ANKS1B: variants seen among roughly 807,000 people sequenced by gnomAD.
ANKS1B encodes ankyrin repeat and sterile alpha motif domain containing 1B.
ANKS1B carries 36 observed loss-of-function variants against 148.3 expected under a neutral mutation model. The ratio of observed to expected loss-of-function variants is 0.24; its 90% CI spans 0.19 to 0.32. ANKS1B has a LOEUF of 0.32. ANKS1B is among the 10% of genes least tolerant of loss of function. ANKS1B has a pLI of 1.00. For synonymous variants in ANKS1B, 542 were observed against 560.8 expected (o/e 0.97, Z 0.47); for missense variants, 1,157 against 1,542.6 (o/e 0.75, Z 4.19).
intron 12 of ANKS1B, among the ~76,000 whole-genome samples, chr12:99,316,542 T>TG (rs539476865): frequency 1.5e-3 from 236 of 152,352 alleles, no homozygotes; most frequent in African/African-American, 5.4e-3. Context: ...TGTAAATTTT[T>TG]AAGTTCTTTG....
At chr12:99,033,218 T>C (rs1477288396) in intron 17 of ANKS1B, among the ~76,000 whole-genome samples, 2 of 152,220 alleles carry the variant, frequency 1.3e-5, no homozygotes, top group South Asian at 2.1e-4. Flanking sequence ...GTTATTCTTA[T>C]GTATAGTGAG....
At chr12:99,754,490 C>T (rs2061388953) in intron 8 of ANKS1B, among the ~76,000 whole-genome samples, 1 of 152,138 alleles carries the variant, frequency 6.6e-6, no homozygotes, top group South Asian at 2.1e-4. Context: ...CTGAACTCAG[C>T]AATGGATCAC....
chr12:99,062,591 G>A (rs968883336), intron 16 of ANKS1B, among the ~76,000 whole-genome samples: 2 of 151,194 alleles, frequency 1.3e-5, no homozygotes, highest in Non-Finnish European at 2.9e-5. Context: ...AAGGAGAAGG[G>A]TTTGTGGGAT....
chr12:98,827,646 G>A (rs111938102), intron 19 of ANKS1B, among the ~76,000 whole-genome samples: 14 of 152,110 alleles, frequency 9.2e-5, no homozygotes, highest in African/African-American at 2.9e-4. Context: ...TAGGTAGAAG[G>A]GTAAGTCGTT....
At chr12:98,932,978 T>G (rs621284) in intron 17 of ANKS1B, among the ~76,000 whole-genome samples, 121,341 of 152,092 alleles carry the variant, frequency 0.8, 48,866 homozygotes, top group East Asian at 1. Context: ...TTCTATTGTG[T>G]TAATAGCACT....
At chr12:98,895,615 A>C (rs578071540) in intron 17 of ANKS1B, among the ~76,000 whole-genome samples, 1 of 152,116 alleles carries the variant, frequency 6.6e-6, no homozygotes, top group Admixed American at 6.5e-5. Context: ...CTCCTGTGGG[A>C]CTTGCGTTCC....
chr12:99,005,576 A>G (rs1240391561), intron 17 of ANKS1B, among the ~76,000 whole-genome samples: 3 of 152,098 alleles, frequency 2.0e-5, no homozygotes, highest in Non-Finnish European at 4.4e-5. Context: ...TTCTTCCTCT[A>G]TCCTCTTTTT....
intron 17 of ANKS1B, among the ~76,000 whole-genome samples, chr12:98,934,560 T>C (rs1018431686): frequency 5.3e-5 from 8 of 152,168 alleles, no homozygotes; most frequent in Admixed American, 5.2e-4. Context: ...CTTTGAGAAG[T>C]ATGAACATTT....
intron 17 of ANKS1B, among the ~76,000 whole-genome samples, chr12:98,863,813 T>C (rs764916191): frequency 1.3e-5 from 2 of 152,218 alleles, no homozygotes; most frequent in Non-Finnish European, 2.9e-5. Context: ...AGTCCACATA[T>C]ATTAATACAT....
chr12:99,220,377 A>C (rs2084908399), intron 14 of ANKS1B, among the ~76,000 whole-genome samples: 1 of 152,144 alleles, frequency 6.6e-6, no homozygotes, highest in South Asian at 2.1e-4. Context: ...AGATACCTAA[A>C]GGGAATGCAG....
At chr12:98,904,020 T>G (rs1043491395) in intron 17 of ANKS1B, among the ~76,000 whole-genome samples, 5 of 152,130 alleles carry the variant, frequency 3.3e-5, no homozygotes, top group African/African-American at 1.2e-4. Context: ...CTTAAAAATA[T>G]ACATTGTGAT....
intron 17 of ANKS1B, among the ~76,000 whole-genome samples, chr12:99,000,268 CTTTTTTTT>C (rs905457820): frequency 1.4e-4 from 18 of 125,470 alleles, no homozygotes; most frequent in African/African-American, 5.2e-4. Context: ...TTTCTTTTTC[CTTTTTTTT>C]TTTTTTTTTT....
chr12:99,098,441 A>G (rs1566055862), intron 15 of ANKS1B, among the ~76,000 whole-genome samples: 1 of 152,132 alleles, frequency 6.6e-6, no homozygotes, highest in Non-Finnish European at 1.5e-5. Flanking sequence ...GGTTCACCTT[A>G]CAGCTCTGCA....
chr12:98,824,574 T>A (rs1304888464), intron 19 of ANKS1B, among the ~76,000 whole-genome samples: 1 of 152,158 alleles, frequency 6.6e-6, no homozygotes, highest in African/African-American at 2.4e-5. Flanking sequence ...TTATCCACAT[T>A]TTAAAGACAA....
chr12:98,835,282 A>C (rs2099356351), intron 17 of ANKS1B, among the ~76,000 whole-genome samples: 1 of 150,478 alleles, frequency 6.6e-6, no homozygotes, highest in African/African-American at 2.5e-5. Context: ...TGAAGAAGTT[A>C]ATGACAATTT....
At chr12:99,740,922 C>T (rs1299418552) in intron 8 of ANKS1B, among the ~76,000 whole-genome samples, 1 of 152,142 alleles carries the variant, frequency 6.6e-6, no homozygotes, top group East Asian at 1.9e-4. Flanking sequence ...GAGATTCCCT[C>T]TAGTGCCTAT....
At chr12:99,218,094 C>A (rs1379851066) in intron 14 of ANKS1B, among the ~76,000 whole-genome samples, 1 of 152,082 alleles carries the variant, frequency 6.6e-6, no homozygotes, top group East Asian at 1.9e-4. Context: ...CTATCTAGCA[C>A]CATACTCTAG....
intron 1 of ANKS1B, among the ~76,000 whole-genome samples, chr12:99,951,883 T>G (rs1459081398): frequency 1.3e-5 from 2 of 152,076 alleles, no homozygotes; most frequent in Non-Finnish European, 2.9e-5. Flanking sequence ...GACTCTTTAA[T>G]TAATTAATGG....
In ANKS1B at chr12:99,812,233, C is replaced by G. The variant is rs558933136; in HGVS notation, c.294G>C (p.Leu98=). The change falls in exon 3 of 27, where the codon CTG becomes CTC. Residue 98 remains leucine, a synonymous_variant. Coordinates refer to ENST00000683438, the MANE Select transcript of ANKS1B (RefSeq NM_001352186.2). ...TTTCCACATCTCCTTTCCAGGCAGCCAGGTGAATAGGAAAATACCCTTTGT... is the reference window on the plus strand; with the variant it reads ...TTTCCACATCTCCTTTCCAGGCAGCGAGGTGAATAGGAAAATACCCTTTGT... ...ADNKGYFPIH[L]AAWKGDVEIV... The G allele has an allele frequency of 6.2e-7, 1 of 1,611,920 alleles. No homozygotes were observed. The highest frequency in any genetic ancestry group is 1.1e-5 in the South Asian group (1 of 91,012).
Sources: gnomAD v4.1 joint callset for allele counts (sites outside exome capture counted in the v4.1 genomes callset) on GRCh38, gnomAD v4.1.1 for gene constraint, MANE v1.5 for transcripts, NCBI Gene and HGNC (gene_info 2026-07-23, HGNC 2026-07-21) for gene names.